HS2ST1: variants seen among roughly 807,000 people sequenced by gnomAD.
HS2ST1 encodes heparan sulfate 2-O-sulfotransferase 1.
In HS2ST1, 18 loss-of-function variants were observed where a neutral mutation model predicts 42.9. The observed-to-expected ratio is 0.42, with a 90% CI of 0.29 to 0.62. The LOEUF (loss-of-function observed/expected upper bound fraction) is 0.62, where lower values mean the gene tolerates loss of function less well. Among genes scored for constraint, HS2ST1 ranks in the 20% least tolerant of loss-of-function variants. The pLI is 0.21. For synonymous variants in HS2ST1, 146 were observed against 152.9 expected (o/e 0.95, Z 0.33); for missense variants, 334 against 433.8 (o/e 0.77, Z 2.04).
chr1:86,951,289 C>T (rs1451390486), intron 1 of HS2ST1, among the ~76,000 whole-genome samples: 1 of 152,146 alleles, frequency 6.6e-6, no homozygotes, highest in Non-Finnish European at 1.5e-5. Context: ...TTTCTGCCTT[C>T]TTAACATTCT....
chr1:87,045,734 A>G lies in HS2ST1; in HGVS notation c.125-27200A>G, dbSNP rs1186095309. ...CTGCCACTGATTTGATATCAAATCTACTCTTCATATTCATACTGAAAATAT... is the reference window on the plus strand; with the variant it reads ...CTGCCACTGATTTGATATCAAATCTGCTCTTCATATTCATACTGAAAATAT... On this transcript the variant is annotated intron_variant, in intron 1 of 6. Transcript: ENST00000370550. 7.8e-6 allele frequency: 7 copies of G among 899,632 alleles called. No homozygotes were observed. In the East Asian group the frequency reaches 1.5e-4, roughly 19 times the overall value. 55.7% of individuals were successfully genotyped at this position (899,632 alleles called of 1,614,324 possible). A position where few individuals can be genotyped will look rare whatever the true frequency, so the allele number is the denominator to read the frequency against.
At chr1:87,085,957 T>C (rs190291207) in intron 3 of HS2ST1, among the ~76,000 whole-genome samples, 9 of 152,304 alleles carry the variant, frequency 5.9e-5, no homozygotes, top group African/African-American at 2.2e-4. Flanking sequence ...GTGAGTCTTA[T>C]GTTATTTGAA....
At chr1:86,990,846 T>A (rs1483979736) in intron 1 of HS2ST1, among the ~76,000 whole-genome samples, 407 of 26,792 alleles carry the variant, frequency 0.015, 5 homozygotes, top group African/African-American at 0.021. Context: ...ATTTTTTTTT[T>A]TTTTTTTTTT....
intron 1 of HS2ST1, among the ~76,000 whole-genome samples, chr1:86,950,491 G>T (rs1647480148): frequency 6.6e-6 from 1 of 152,128 alleles, no homozygotes; most frequent in Non-Finnish European, 1.5e-5. Flanking sequence ...CAGATCTAAA[G>T]GACATTATTA....
intron 1 of HS2ST1, among the ~76,000 whole-genome samples, chr1:87,007,037 G>C (rs1215399016): frequency 6.6e-6 from 1 of 152,000 alleles, no homozygotes; most frequent in Non-Finnish European, 1.5e-5. Context: ...AGGAAGAAGG[G>C]TCAATTTTTT....
intron 1 of HS2ST1, among the ~76,000 whole-genome samples, chr1:87,042,231 T>C (rs142400910): frequency 6.6e-6 from 1 of 152,290 alleles, no homozygotes; most frequent in African/African-American, 2.4e-5. Flanking sequence ...GTTAACCCCT[T>C]ATCAGATATG....
chr1:86,942,164 A>C (rs890093355), intron 1 of HS2ST1, among the ~76,000 whole-genome samples: 2 of 152,168 alleles, frequency 1.3e-5, no homozygotes, highest in African/African-American at 4.8e-5. Context: ...AAAATCTACT[A>C]ATGTGTGTTG....
At chr1:87,067,303 T>G (rs1023968543) in intron 1 of HS2ST1, among the ~76,000 whole-genome samples, 1 of 152,240 alleles carries the variant, frequency 6.6e-6, no homozygotes. Context: ...GGTTTTGATT[T>G]GCATTTCTCT....
At chr1:86,971,393 G>A (rs960853773) in intron 1 of HS2ST1, among the ~76,000 whole-genome samples, 8 of 151,930 alleles carry the variant, frequency 5.3e-5, no homozygotes, top group Non-Finnish European at 7.4e-5. Flanking sequence ...CCAATAAAAC[G>A]GACCACCTCC....
At chr1:86,941,697 C>T (rs938749764) in intron 1 of HS2ST1, among the ~76,000 whole-genome samples, 1 of 151,784 alleles carries the variant, frequency 6.6e-6, no homozygotes, top group African/African-American at 2.4e-5. Context: ...TGGGCTTGAA[C>T]CCGGGAGACG....
intron 1 of HS2ST1, chr1:86,993,005 C>A: frequency 6.7e-7 from 1 of 1,489,928 alleles, no homozygotes; most frequent in South Asian, 1.3e-5. Flanking sequence ...TCCTTTCCTC[C>A]CAGTGTGGGG....
chr1:87,045,379 T>A, intron 1 of HS2ST1: 1 of 1,451,788 alleles, frequency 6.9e-7, no homozygotes, highest in Non-Finnish European at 9.7e-7. Context: ...TTTCAGAAGA[T>A]ATTAGGATTG....
chr1:86,929,485 A>C (rs1001174945), intron 1 of HS2ST1, among the ~76,000 whole-genome samples: 3 of 151,848 alleles, frequency 2.0e-5, no homozygotes, highest in Non-Finnish European at 4.4e-5. Context: ...ATTTGTTTTC[A>C]TATAAATTCT....
chr1:87,008,784 A>G (rs778515603), intron 1 of HS2ST1, among the ~76,000 whole-genome samples: 4 of 152,222 alleles, frequency 2.6e-5, no homozygotes, highest in Non-Finnish European at 5.9e-5. Context: ...ATTAAAATCT[A>G]CTTGCTAATT....
intron 1 of HS2ST1, among the ~76,000 whole-genome samples, chr1:87,009,597 A>G (rs773292554): frequency 2.4e-4 from 36 of 152,186 alleles, no homozygotes; most frequent in African/African-American, 3.6e-4. Context: ...CGTGATAGCA[A>G]ACAACTCCAA....
At chr1:87,071,319 A>T (rs1651397861) in intron 1 of HS2ST1, among the ~76,000 whole-genome samples, 1 of 152,230 alleles carries the variant, frequency 6.6e-6, no homozygotes, top group East Asian at 1.9e-4. Flanking sequence ...ATTGCTTTTC[A>T]TCTTACTTTA....
At chr1:86,942,091 A>G (rs983582585) in intron 1 of HS2ST1, among the ~76,000 whole-genome samples, 3 of 152,196 alleles carry the variant, frequency 2.0e-5, no homozygotes, top group Non-Finnish European at 4.4e-5. Context: ...TTCCTAATAA[A>G]AATTTGAAAA....
At chr1:87,051,219 AT>A (rs550494533) in intron 1 of HS2ST1, among the ~76,000 whole-genome samples, 128 of 147,070 alleles carry the variant, frequency 8.7e-4, no homozygotes, top group Middle Eastern at 3.6e-3. Context: ...ATTCTACATG[AT>A]TTTTTTTTTT....
At chr1:86,986,496 CG>C (rs1648790567) in intron 1 of HS2ST1, among the ~76,000 whole-genome samples, 1 of 152,058 alleles carries the variant, frequency 6.6e-6, no homozygotes, top group Non-Finnish European at 1.5e-5. Flanking sequence ...TATTAATTTA[CG>C]TGCCAAAGGA....
Sources: gnomAD v4.1 joint callset for allele counts (sites outside exome capture counted in the v4.1 genomes callset) on GRCh38, gnomAD v4.1.1 for gene constraint, MANE v1.5 for transcripts, NCBI Gene and HGNC (gene_info 2026-07-23, HGNC 2026-07-21) for gene names.